The following NEK1 variants were observed in gnomAD, a reference collection of about 807,000 sequenced individuals.
NEK1 encodes NIMA related kinase 1.
NEK1 carries 137 observed loss-of-function variants against 182.1 expected under a neutral mutation model. The observed-to-expected ratio is 0.75, with a 90% CI of 0.65 to 0.87. The LOEUF (loss-of-function observed/expected upper bound fraction) is 0.87. Among genes scored for constraint, NEK1 ranks in the 40% least tolerant of loss-of-function variants. The pLI, the probability that NEK1 is intolerant of heterozygous loss-of-function variation, is 0.00. For missense variants in NEK1, 1,391 were observed against 1,494.4 expected (o/e 0.93, Z 1.14); for synonymous variants, 513 against 492.2 (o/e 1.04, Z -0.56).
rs745711143 is a variant in NEK1 at position 169,576,995 on chromosome 4, G to A, written c.953C>T (p.Pro318Leu). The A allele has an allele frequency of 1.1e-5, 18 of 1,611,480 alleles. No individual in the cohort carries two copies. In the Admixed American group the frequency reaches 1.5e-4, roughly 13 times the overall value. Reference protein sequence around the residue: ...ITKPAAKYGIPLAYKKYGDKK... With the variant: ...ITKPAAKYGILLAYKKYGDKK... ...ATCTCCATATTTCTTATATGCTAAA[G>A]GTATTCCATATTTAGCGGCAGGCTT... Residue 318 changes from proline (P) to leucine (L), a missense_variant, in exon 12 of 36, where the codon CCT (proline) becomes CTT (leucine). By Grantham distance (98) the Pro-to-Leu change is moderately conservative (BLOSUM62 -3). Transcript: ENST00000507142.
rs762454081 is a variant in NEK1 at position 169,424,645 on chromosome 4, G to A, written c.3130C>T (p.Arg1044Ter). 13 of 1,613,626 alleles carry A rather than the reference G, an allele frequency of 8.1e-6. No individual in the cohort carries two copies. Among genetic ancestry groups the A allele is most frequent in the South Asian group, 4.4e-5 (4 of 91,032 alleles). Residue 1044 changes from arginine (R) to a stop codon, truncating the protein, a stop_gained, in exon 31 of 36, where the codon CGA becomes TGA. Transcript: ENST00000507142. LOFTEE classifies it high-confidence loss of function. The part of the protein sequence containing the change: ...QCSPEESFAF[R>*]SHSHLPPKNK... Reference sequence around the variant, plus strand: ...TTTGGTGGTAAATGCGAGTGAGATCGAAATGCAAAGGATTCTTCTGGTGAA... The same window carrying A: ...TTTGGTGGTAAATGCGAGTGAGATCAAAATGCAAAGGATTCTTCTGGTGAA...
chr4:169,422,335 C>T (rs1302843742), intron 31 of NEK1, among the ~76,000 whole-genome samples: 4 of 152,248 alleles, frequency 2.6e-5, no homozygotes, highest in South Asian at 4.1e-4. Context: ...AAGAAGTTTG[C>T]TATTTTTGAT....
chr4:169,496,130 G>A (rs1751220088), intron 23 of NEK1, among the ~76,000 whole-genome samples: 1 of 152,190 alleles, frequency 6.6e-6, no homozygotes, highest in Non-Finnish European at 1.5e-5. Flanking sequence ...TCCCTTGTAA[G>A]TTGGATTGCT....
intron 11 of NEK1, among the ~76,000 whole-genome samples, chr4:169,577,361 C>T (rs145370129): frequency 1.6e-4 from 24 of 151,340 alleles, no homozygotes; most frequent in African/African-American, 4.6e-4. Context: ...GATGGTTGCA[C>T]GTATCGGTGA....
chr4:169,579,974 A>G (rs1468339701), intron 11 of NEK1, among the ~76,000 whole-genome samples: 1 of 152,180 alleles, frequency 6.6e-6, no homozygotes, highest in Non-Finnish European at 1.5e-5. Flanking sequence ...AATAACTTCC[A>G]TTGATTTTAG....
intron 32 of NEK1, among the ~76,000 whole-genome samples, chr4:169,406,305 T>C (rs1030787205): frequency 6.6e-6 from 1 of 151,906 alleles, no homozygotes; most frequent in African/African-American, 2.4e-5. Context: ...AAAGCAGAGG[T>C]TAATGATTAA....
chr4:169,411,250 A>G (rs890502396), intron 31 of NEK1, among the ~76,000 whole-genome samples: 1 of 152,176 alleles, frequency 6.6e-6, no homozygotes, highest in South Asian at 2.1e-4. Context: ...AGCTTTATCA[A>G]AAATAAAACT....
intron 35 of NEK1, among the ~76,000 whole-genome samples, chr4:169,398,315 C>G (rs531315585): frequency 1.3e-5 from 2 of 148,328 alleles, no homozygotes; most frequent in African/African-American, 2.5e-5. Context: ...TTTTTTTTTA[C>G]TGGGGTTTAT....
At chr4:169,512,912 G>C (rs768678472) in intron 19 of NEK1, among the ~76,000 whole-genome samples, 1 of 152,030 alleles carries the variant, frequency 6.6e-6, no homozygotes, top group Non-Finnish European at 1.5e-5. Flanking sequence ...ATATATATTT[G>C]TGTGCATCTA....
At chr4:169,403,924 A>G (rs1274183704) in intron 32 of NEK1, among the ~76,000 whole-genome samples, 1 of 152,210 alleles carries the variant, frequency 6.6e-6, no homozygotes, top group East Asian at 1.9e-4. Flanking sequence ...AAATATCCCT[A>G]TAACAATATG....
At chr4:169,456,678 T>A (rs1742948350) in intron 27 of NEK1, among the ~76,000 whole-genome samples, 1 of 152,198 alleles carries the variant, frequency 6.6e-6, no homozygotes, top group Non-Finnish European at 1.5e-5. Context: ...AAAATATAGC[T>A]ACCATATGAT....
chr4:169,478,523 G>A (rs924042680), intron 24 of NEK1: 3 of 151,984 alleles, frequency 2.0e-5, no homozygotes, highest in African/African-American at 7.2e-5. Flanking sequence ...CCTACTTGAA[G>A]AACAATAGTT....
chr4:169,593,437 G>C (rs866109124), intron 5 of NEK1, among the ~76,000 whole-genome samples: 10 of 152,196 alleles, frequency 6.6e-5, no homozygotes, highest in African/African-American at 2.4e-4. Flanking sequence ...AGTAATTAAA[G>C]GGAGTAATGC....
intron 35 of NEK1, among the ~76,000 whole-genome samples, chr4:169,396,000 T>C (rs902129562): frequency 6.6e-6 from 1 of 152,142 alleles, no homozygotes; most frequent in Non-Finnish European, 1.5e-5. Flanking sequence ...ATGTATACAA[T>C]TTCATTACAT....
chr4:169,435,976 T>A (rs1738338063), intron 28 of NEK1, among the ~76,000 whole-genome samples: 1 of 152,234 alleles, frequency 6.6e-6, no homozygotes, highest in Non-Finnish European at 1.5e-5. Context: ...TGCTCATGGC[T>A]CACTGCAGCC....
chr4:169,403,864 G>A (rs2111060543), intron 32 of NEK1, among the ~76,000 whole-genome samples: 1 of 149,102 alleles, frequency 6.7e-6, no homozygotes, highest in East Asian at 1.9e-4. Context: ...CTTGACTAAA[G>A]TTTAGACAAA....
At chr4:169,583,589 T>A (rs975736931) in intron 10 of NEK1, among the ~76,000 whole-genome samples, 1 of 152,222 alleles carries the variant, frequency 6.6e-6, no homozygotes, top group African/African-American at 2.4e-5. Context: ...CTTTCATTGC[T>A]AGCTAGCTAA....
chr4:169,488,094 T>C (rs751546478), intron 23 of NEK1, among the ~76,000 whole-genome samples: 1 of 152,196 alleles, frequency 6.6e-6, no homozygotes, highest in Non-Finnish European at 1.5e-5. Context: ...GATGGATAGA[T>C]TGCAAAAATT....
intron 18 of NEK1, among the ~76,000 whole-genome samples, chr4:169,551,675 T>A (rs1761443436): frequency 6.6e-6 from 1 of 152,130 alleles, no homozygotes; most frequent in African/African-American, 2.4e-5. Context: ...AAAGTCTTCA[T>A]CAGCAGTGAC....
Sources: gnomAD v4.1 joint callset for allele counts (sites outside exome capture counted in the v4.1 genomes callset) on GRCh38, gnomAD v4.1.1 for gene constraint, MANE v1.5 for transcripts, NCBI Gene and HGNC (gene_info 2026-07-23, HGNC 2026-07-21) for gene names.